CADM2: variants seen among roughly 807,000 people sequenced by gnomAD.
CADM2 encodes the protein immunoglobulin superfamily member 4D.
CADM2 carries 12 observed loss-of-function variants against 49.8 expected under a neutral mutation model. The ratio of observed to expected loss-of-function variants is 0.24; its 90% confidence interval spans 0.15 to 0.39. The LOEUF is 0.39. Among genes scored for constraint, CADM2 ranks in the 10% least tolerant of loss-of-function variants. CADM2 has a pLI of 1.00. For missense variants in CADM2, 378 were observed against 492.3 expected, an observed-to-expected ratio of 0.77 and a Z score of 2.20; for synonymous variants, 214 against 175.4, an observed-to-expected ratio of 1.22 and a Z score of -1.74.
chr3:85,546,560 A>G (rs1018743542), intron 1 of CADM2, among the ~76,000 whole-genome samples: 1 of 152,064 alleles, frequency 6.6e-6, no homozygotes, highest in Non-Finnish European at 1.5e-5. Flanking sequence ...AAATTAAAAT[A>G]ACACTACTAA....
intron 1 of CADM2, among the ~76,000 whole-genome samples, chr3:85,327,355 A>G (rs548492015): frequency 6.6e-6 from 1 of 152,042 alleles, no homozygotes; most frequent in Non-Finnish European, 1.5e-5. Context: ...TCCCGAGTTC[A>G]AGTAATTCTC....
intron 1 of CADM2, among the ~76,000 whole-genome samples, chr3:85,053,193 G>T (rs918546437): frequency 6.6e-6 from 1 of 151,972 alleles, no homozygotes; most frequent in African/African-American, 2.4e-5. Flanking sequence ...TAAAGCAAAA[G>T]TTTGAAGTTA....
At chr3:85,026,850 A>C (rs1487746188) in intron 1 of CADM2, among the ~76,000 whole-genome samples, 1 of 152,072 alleles carries the variant, frequency 6.6e-6, no homozygotes, top group Non-Finnish European at 1.5e-5. Context: ...TGCTTGGTTG[A>C]AAATGGAGAT....
At chr3:85,510,523 A>G (rs2040566700) in intron 1 of CADM2, among the ~76,000 whole-genome samples, 1 of 152,064 alleles carries the variant, frequency 6.6e-6, no homozygotes, top group Non-Finnish European at 1.5e-5. Context: ...AGTTTATTGA[A>G]CCACAAAACA....
At chr3:85,772,810 TC>T (rs1204629487) in intron 2 of CADM2, among the ~76,000 whole-genome samples, 2 of 150,236 alleles carry the variant, frequency 1.3e-5, no homozygotes, top group African/African-American at 4.9e-5. Context: ...TTTTTTTTTT[TC>T]CCTCACAGCT....
intron 5 of CADM2, among the ~76,000 whole-genome samples, chr3:85,908,531 G>T (rs548260677): frequency 1.3e-5 from 2 of 151,464 alleles, no homozygotes; most frequent in Admixed American, 1.3e-4. Context: ...TTATACTTGA[G>T]GAATTTTTCT....
intron 1 of CADM2, among the ~76,000 whole-genome samples, chr3:85,389,577 A>T (rs1027047205): frequency 6.6e-6 from 1 of 152,050 alleles, no homozygotes; most frequent in African/African-American, 2.4e-5. Context: ...TCAAGTCCCA[A>T]TCTCTCTGAT....
chr3:85,178,014 T>A (rs1359485135), intron 1 of CADM2, among the ~76,000 whole-genome samples: 1 of 151,970 alleles, frequency 6.6e-6, no homozygotes, highest in Non-Finnish European at 1.5e-5. Flanking sequence ...TGATTAGATA[T>A]TTAATATTGG....
intron 1 of CADM2, among the ~76,000 whole-genome samples, chr3:84,983,489 C>G (rs996683579): frequency 3.3e-5 from 5 of 151,856 alleles, no homozygotes; most frequent in Non-Finnish European, 7.4e-5. Context: ...CCACAGATAC[C>G]TTTTAAGAGA....
chr3:85,071,303 G>A (rs1389191567), intron 1 of CADM2, among the ~76,000 whole-genome samples: 2 of 152,058 alleles, frequency 1.3e-5, no homozygotes, highest in African/African-American at 4.8e-5. Flanking sequence ...AGAATGTCAG[G>A]AAAGAGATTT....
At chr3:85,560,531 G>C (rs1382673405) in intron 1 of CADM2, among the ~76,000 whole-genome samples, 1 of 152,218 alleles carries the variant, frequency 6.6e-6, no homozygotes, top group Non-Finnish European at 1.5e-5. Flanking sequence ...CTGCAGGAGA[G>C]GCAGACATTC....
At chr3:85,072,242 C>A (rs184088564) in intron 1 of CADM2, among the ~76,000 whole-genome samples, 2 of 152,046 alleles carry the variant, frequency 1.3e-5, no homozygotes, top group Non-Finnish European at 2.9e-5. Context: ...GAAAGTGGAA[C>A]AAGTTTTAAC....
At chr3:85,959,071 T>G (rs1471703054) in intron 7 of CADM2, among the ~76,000 whole-genome samples, 4 of 151,284 alleles carry the variant, frequency 2.6e-5, no homozygotes, top group Non-Finnish European at 4.4e-5. Context: ...TATCTATATA[T>G]CTATATAGCT....
intron 1 of CADM2, among the ~76,000 whole-genome samples, chr3:85,118,570 A>G (rs1457088758): frequency 6.6e-6 from 1 of 152,102 alleles, no homozygotes; most frequent in Non-Finnish European, 1.5e-5. Flanking sequence ...CGAGAGCAAC[A>G]TGGGAAAGAC....
chr3:85,357,927 G>A (rs766696384), intron 1 of CADM2, among the ~76,000 whole-genome samples: 1 of 152,078 alleles, frequency 6.6e-6, no homozygotes, highest in Non-Finnish European at 1.5e-5. Context: ...ATCAAATGGA[G>A]GAGGAGAATC....
At chr3:85,796,857 GA>G (rs1219581022) in intron 2 of CADM2, among the ~76,000 whole-genome samples, 1 of 152,046 alleles carries the variant, frequency 6.6e-6, no homozygotes, top group Non-Finnish European at 1.5e-5. Context: ...AGCACTTTAA[GA>G]GGCCAAGATG....
chr3:85,767,978 C>T (rs1396730930), intron 2 of CADM2, among the ~76,000 whole-genome samples: 1 of 151,332 alleles, frequency 6.6e-6, no homozygotes, highest in African/African-American at 2.5e-5. Context: ...AGTAAATTAT[C>T]ATATCTGTTT....
intron 8 of CADM2, among the ~76,000 whole-genome samples, chr3:85,991,669 A>G (rs535970094): frequency 9.9e-5 from 15 of 152,120 alleles, no homozygotes; most frequent in Non-Finnish European, 2.2e-4. Flanking sequence ...GCATCAAAAT[A>G]AGTAAGGACT....
chr3:86,013,725 T>G, intron 8 of CADM2: 1 of 1,596,138 alleles, frequency 6.3e-7, no homozygotes, highest in South Asian at 1.1e-5. Flanking sequence ...ATTTATAGGT[T>G]TTCTGCCTTA....
Sources: gnomAD v4.1 joint callset for allele counts (sites outside exome capture counted in the v4.1 genomes callset) on GRCh38, gnomAD v4.1.1 for gene constraint, MANE v1.5 for transcripts, NCBI Gene and HGNC (gene_info 2026-07-23, HGNC 2026-07-21) for gene names.